The following CHLSN variants were observed in gnomAD, a reference collection of about 807,000 sequenced individuals.
CHLSN encodes the protein protein cholesin.
the CHLSN span, among the ~76,000 whole-genome samples, chr7:1,094,649 G>A: frequency 2.0e-5 from 3 of 151,750 alleles, no homozygotes; most frequent in Admixed American, 2.0e-4. Flanking sequence ...CCCGTCCATG[G>A]GACATAACAT....
the CHLSN span, among the ~76,000 whole-genome samples, chr7:1,111,051 G>A: frequency 6.6e-6 from 1 of 152,182 alleles, no homozygotes; most frequent in Admixed American, 6.5e-5. Context: ...ACTCCAGCCT[G>A]GGCGACAGAG....
the CHLSN span, among the ~76,000 whole-genome samples, chr7:1,035,584 C>T: frequency 6.6e-6 from 1 of 152,198 alleles, no homozygotes; most frequent in Non-Finnish European, 1.5e-5. Context: ...ATGAAAATAG[C>T]AGTGAGGCAC....
chr7:996,379 C>T, the CHLSN span, among the ~76,000 whole-genome samples: 3 of 152,376 alleles, frequency 2.0e-5, no homozygotes, highest in South Asian at 2.1e-4. Flanking sequence ...AGGGGGCACT[C>T]AGGGCCTGAG....
chr7:1,120,743 T>TTTAA, the CHLSN span, among the ~76,000 whole-genome samples: 1 of 152,164 alleles, frequency 6.6e-6, no homozygotes, highest in Admixed American at 6.5e-5. Context: ...CAAACCCTAG[T>TTTAA]AAACGGGTGA....
chr7:1,008,799 T>C, the CHLSN span, among the ~76,000 whole-genome samples: 4 of 138,212 alleles, frequency 2.9e-5, no homozygotes, highest in South Asian at 6.9e-4. Context: ...TGTACACACG[T>C]GTATACATGT....
At chr7:1,040,183 TA>T in the CHLSN span, among the ~76,000 whole-genome samples, 4,775 of 74,518 alleles carry the variant, frequency 0.064, 246 homozygotes, top group African/African-American at 0.14. Flanking sequence ...AAAATAAATT[TA>T]AAAAAAAAAA....
chr7:1,016,660 A>AT, the CHLSN span, among the ~76,000 whole-genome samples: 532 of 77,334 alleles, frequency 6.9e-3, 30 homozygotes, highest in African/African-American at 0.022. Flanking sequence ...AGCACACAGC[A>AT]GCGCACAGCA....
the CHLSN span, chr7:1,058,869 T>A: frequency 8.6e-6 from 2 of 231,560 alleles, no homozygotes; most frequent in East Asian, 1.9e-4. Flanking sequence ...AAATACTTGA[T>A]TCCCCCTTGT....
the CHLSN span, among the ~76,000 whole-genome samples, chr7:999,861 C>T: frequency 2.0e-5 from 3 of 152,248 alleles, no homozygotes; most frequent in African/African-American, 4.8e-5. Context: ...CAGCTCCAGC[C>T]CGCCGCCCAG....
the CHLSN span, among the ~76,000 whole-genome samples, chr7:1,125,437 T>C: frequency 3.2e-4 from 49 of 152,320 alleles, no homozygotes; most frequent in African/African-American, 1.1e-3. Context: ...TGGCAAAGCT[T>C]GAACCCTGGT....
the CHLSN span, among the ~76,000 whole-genome samples, chr7:1,068,297 C>T: frequency 6.6e-6 from 1 of 152,256 alleles, no homozygotes; most frequent in African/African-American, 2.4e-5. Context: ...TCAGTCCTGG[C>T]TCTGACCATG....
At chr7:979,435 C>T in the CHLSN span, among the ~76,000 whole-genome samples, 1 of 152,096 alleles carries the variant, frequency 6.6e-6, no homozygotes, top group East Asian at 1.9e-4. Flanking sequence ...GGGCTAGGAT[C>T]GTTGACCTTA....
At chr7:1,097,440 A>G in the CHLSN span, among the ~76,000 whole-genome samples, 1 of 152,232 alleles carries the variant, frequency 6.6e-6, no homozygotes, top group African/African-American at 2.4e-5. The surrounding 1 kb of genome is among the most constrained non-coding windows in gnomAD (Gnocchi z 4.3). Context: ...AGACCATGAA[A>G]AGCAGGAGTC....
chr7:1,061,883 ATTC>A, the CHLSN span, among the ~76,000 whole-genome samples: 1 of 149,348 alleles, frequency 6.7e-6, no homozygotes, highest in South Asian at 2.1e-4. Flanking sequence ...CGACTCCCCA[ATTC>A]TTCCAGGCAG....
chr7:1,119,661 G>A, the CHLSN span, among the ~76,000 whole-genome samples: 1 of 152,208 alleles, frequency 6.6e-6, no homozygotes, highest in African/African-American at 2.4e-5. Context: ...CTGCTCACCT[G>A]AGGTCAGGAG....
At chr7:1,045,758 A>C in the CHLSN span, 1 of 152,288 alleles carries the variant, frequency 6.6e-6, no homozygotes, top group Non-Finnish European at 1.5e-5. Flanking sequence ...GCCTCTGAAG[A>C]CAAGTGACTT....
the CHLSN span, among the ~76,000 whole-genome samples, chr7:995,357 C>T: frequency 3.3e-5 from 5 of 152,234 alleles, no homozygotes; most frequent in Non-Finnish European, 7.3e-5. Flanking sequence ...GAGAGCACTC[C>T]CCAGCCGGTG....
At chr7:979,972 G>C in the CHLSN span, among the ~76,000 whole-genome samples, 2 of 152,224 alleles carry the variant, frequency 1.3e-5, no homozygotes, top group African/African-American at 4.8e-5. Flanking sequence ...AGCGTCCCGT[G>C]AAACTCCACT....
At chr7:1,024,280 G>A in the CHLSN span, among the ~76,000 whole-genome samples, 9 of 152,202 alleles carry the variant, frequency 5.9e-5, no homozygotes, top group African/African-American at 9.7e-5. Flanking sequence ...AGAAGCCTCA[G>A]CTCAAGAGGA....
Sources: gnomAD v4.1 joint callset for allele counts (sites outside exome capture counted in the v4.1 genomes callset) on GRCh38, gnomAD v4.1.1 for gene constraint, Gnocchi (gnomAD v3.1) non-coding constraint, MANE v1.5 for transcripts, NCBI Gene and HGNC (gene_info 2026-07-23, HGNC 2026-07-21) for gene names.